BRDT: variants seen among roughly 807,000 people sequenced by gnomAD.
BRDT encodes the protein bromodomain testis-specific protein.
Under a neutral mutation model 113.9 loss-of-function variants are expected in BRDT, and 77 were observed. The ratio of observed to expected loss-of-function variants is 0.68; its 90% CI spans 0.56 to 0.82. The LOEUF (loss-of-function observed/expected upper bound fraction) is 0.82. BRDT is among the 40% of genes least tolerant of loss of function. The probability of loss-of-function intolerance (pLI) is 0.00; values close to 1 mark genes in which losing one functional copy is unlikely to be tolerated. For missense variants in BRDT, 1,027 were observed against 1,105.4 expected, an observed-to-expected ratio of 0.93 and a Z score of 1.01; for synonymous variants, 358 against 366.5, an observed-to-expected ratio of 0.98 and a Z score of 0.26.
chr1:91,994,814 G>C (rs2101756657), intron 15 of BRDT, among the ~76,000 whole-genome samples: 1 of 128,252 alleles, frequency 7.8e-6, no homozygotes, highest in East Asian at 2.2e-4. Flanking sequence ...CTTGCAGTGA[G>C]CCGAGATCCC....
chr1:92,005,845 C>CT (rs1233691784), intron 18 of BRDT, among the ~76,000 whole-genome samples: 2 of 152,192 alleles, frequency 1.3e-5, no homozygotes, highest in African/African-American at 4.8e-5. Flanking sequence ...TGTAAACCAC[C>CT]TATGAATTGT....
At position 91,979,633 on chromosome 1, in the gene BRDT, A is replaced by C; in HGVS notation, c.1163A>C (p.Tyr388Ser). ...CCTGTTGAGAGTATGCCTTTATGTT[A>C]CATCAAAACAGATATCACAGAAACC... ...IEPVESMPLC[Y>S]IKTDITETTG... is the part of the protein sequence containing the mutation. Residue 388 changes from tyrosine (Y) to serine (S), a missense_variant, in exon 8 of 19, where the codon TAC becomes TCC. Transcript: ENST00000399546. 1 of 1,613,938 alleles carries C rather than the reference A, an allele frequency of 6.2e-7. No individual in the cohort carries two copies. The highest frequency in any genetic ancestry group is 8.5e-7 in the Non-Finnish European group (1 of 1,179,972).
intron 6 of BRDT, 155 bp downstream of exon 6, chr1:91,977,548 A>T: frequency 1.6e-6 from 1 of 641,486 alleles, no homozygotes; most frequent in Non-Finnish European, 2.5e-6. Context: ...TTTAAAATAT[A>T]TCTTTTTGTT....
At chr1:91,989,607 C>T (rs946012949) in intron 12 of BRDT, among the ~76,000 whole-genome samples, 1 of 151,864 alleles carries the variant, frequency 6.6e-6, no homozygotes, top group Non-Finnish European at 1.5e-5. Flanking sequence ...GTGATCTAAC[C>T]ACCTTGGCCT....
At chr1:91,988,664 G>C (rs1036780967) in intron 12 of BRDT, among the ~76,000 whole-genome samples, 12 of 152,100 alleles carry the variant, frequency 7.9e-5, no homozygotes, top group African/African-American at 2.4e-5. Context: ...GCTTCCCAAA[G>C]TGCTGGGATT....
At chr1:91,991,048 C>T (rs1026599322) in intron 12 of BRDT, 136 bp from the exon 13 acceptor site, 38 of 431,778 alleles carry the variant, frequency 8.8e-5, no homozygotes, top group African/African-American at 4.1e-4. Flanking sequence ...CCACCTGCCT[C>T]GGCCTCCCAA....
intron 18 of BRDT, among the ~76,000 whole-genome samples, chr1:92,005,879 C>T (rs890847266): frequency 6.6e-6 from 1 of 152,194 alleles, no homozygotes; most frequent in Non-Finnish European, 1.5e-5. Context: ...GCCATCTGTT[C>T]CTGGTCAGCA....
intron 7 of BRDT, 124 bp from the exon 8 acceptor site, chr1:91,979,445 A>G (rs1684509022): frequency 3.2e-6 from 3 of 943,356 alleles, no homozygotes; most frequent in Non-Finnish European, 4.8e-6. Context: ...CTTCTGATAT[A>G]TCTTAAAGGA....
chr1:91,954,717 A>C (rs2101496065), intron 1 of BRDT, among the ~76,000 whole-genome samples: 1 of 152,298 alleles, frequency 6.6e-6, no homozygotes, highest in South Asian at 2.1e-4. Context: ...GCACTTTGGG[A>C]GGCTGAGGTG....
At chr1:91,964,504 C>A in intron 2 of BRDT, 123 bp from the exon 3 acceptor site, 2 of 628,712 alleles carry the variant, frequency 3.2e-6, no homozygotes, top group Non-Finnish European at 4.7e-6. Flanking sequence ...CAGAATATGG[C>A]TTTTTAAAGA....
intron 12 of BRDT, among the ~76,000 whole-genome samples, chr1:91,984,347 C>CA (rs902094254): frequency 4.0e-5 from 6 of 150,978 alleles, no homozygotes; most frequent in Admixed American, 2.6e-4. Context: ...ACAACACACA[C>CA]AAAAAAAAGC....
At chr1:91,965,028 C>T (rs938259787) in intron 3 of BRDT, among the ~76,000 whole-genome samples, 2 of 151,700 alleles carry the variant, frequency 1.3e-5, no homozygotes, top group Admixed American at 1.3e-4. Context: ...CCTGCCTCAG[C>T]CTCCCGAGTA....
At chr1:91,982,702 A>C (rs1684831910) in intron 12 of BRDT, among the ~76,000 whole-genome samples, 1 of 151,920 alleles carries the variant, frequency 6.6e-6, no homozygotes, top group Non-Finnish European at 1.5e-5. Context: ...AGTTCTGTTT[A>C]GTTTGCATTT....
rs1684534828 is a variant in BRDT at position 91,979,687 on chromosome 1, C to CGGAA, written c.1217_1218insGGAA (p.Ser407GlufsTer3). 2 of 1,613,862 alleles carry CGGAA rather than the reference C, an allele frequency of 1.2e-6. No individual in the cohort carries two copies. The highest frequency in any genetic ancestry group is 2.7e-5 in the African/African-American group (2 of 74,884). On this transcript the variant is annotated frameshift_variant, in exon 8 of 19. Transcript: ENST00000399546. LOFTEE classifies it high-confidence loss of function. The stretch of plus-strand genomic sequence containing the variant: ...GGTAGAGAGAACACTAATGAAGCCT[C>CGGAA]CTCTGAAGGGAACTCTTCTGATGAT...
intron 1 of BRDT, among the ~76,000 whole-genome samples, chr1:91,950,969 A>G (rs1376914743): frequency 6.6e-6 from 1 of 151,634 alleles, no homozygotes; most frequent in Non-Finnish European, 1.5e-5. Context: ...TGGATGTGGC[A>G]GTGAGCTGAG....
At chr1:92,012,718 C>G (rs1365844942) in intron 18 of BRDT, among the ~76,000 whole-genome samples, 2 of 152,016 alleles carry the variant, frequency 1.3e-5, no homozygotes, top group East Asian at 1.9e-4. Flanking sequence ...CGAGACCAGC[C>G]TGGCCAACAT....
At position 92,014,369 on chromosome 1, in the gene BRDT, A is replaced by G; in HGVS notation, c.*95A>G. 2 of 800,920 alleles carry G rather than the reference A, an allele frequency of 2.5e-6. No homozygotes were observed. Among genetic ancestry groups the G allele is most frequent in the Non-Finnish European group, 3.8e-6 (2 of 520,812 alleles). 49.6% of individuals were successfully genotyped at this position (800,920 alleles called of 1,614,324 possible). On this transcript the variant is annotated 3_prime_UTR_variant, in exon 19 of 19. Coordinates refer to ENST00000399546, the MANE Select transcript of BRDT (RefSeq NM_207189.4). Reference sequence around the variant, plus strand: ...ATTGCTTTCAGATAACAAGATACCAATCTTATATTGTATTTTGACTGCTCT... The same window carrying G: ...ATTGCTTTCAGATAACAAGATACCAGTCTTATATTGTATTTTGACTGCTCT...
intron 1 of BRDT, among the ~76,000 whole-genome samples, chr1:91,958,165 C>T (rs7526781): frequency 6.6e-6 from 1 of 151,066 alleles, no homozygotes; most frequent in Non-Finnish European, 1.5e-5. Flanking sequence ...TTTTTGAGAA[C>T]GACATTCAGG....
In BRDT at chr1:91,979,768, G is replaced by T; in HGVS notation, c.1287+11G>T. 8 of 1,581,974 alleles carry T rather than the reference G, an allele frequency of 5.1e-6. No individual in the cohort carries two copies. The highest frequency in any genetic ancestry group is 6.8e-6 in the Non-Finnish European group (8 of 1,169,390). On this transcript the variant is annotated intron_variant, in intron 8 of 18. Coordinates refer to ENST00000399546, the MANE Select transcript of BRDT (RefSeq NM_207189.4). ...AAGCTTCAGGAGCAGGTAGTTGATTGTATTGATACAAATTTTGATAATCTA... is the reference window on the plus strand; with the variant it reads ...AAGCTTCAGGAGCAGGTAGTTGATTTTATTGATACAAATTTTGATAATCTA...
Sources: allele counts gnomAD v4.1 joint callset (sites outside exome capture counted in the v4.1 genomes callset), GRCh38; gene constraint gnomAD v4.1.1; transcripts MANE v1.5; gene names NCBI Gene and HGNC (gene_info 2026-07-23, HGNC 2026-07-21).